SCAPER: variants seen among roughly 807,000 people sequenced by gnomAD.
SCAPER encodes the protein S phase cyclin A-associated protein in the endoplasmic reticulum.
In SCAPER, 98 loss-of-function variants were observed where a neutral mutation model predicts 182.2. The observed-to-expected ratio is 0.54, with a 90% CI of 0.46 to 0.64. The LOEUF (loss-of-function observed/expected upper bound fraction) is 0.64. Among genes scored for constraint, SCAPER ranks in the 30% least tolerant of loss-of-function variants. The pLI is 0.00. For synonymous variants in SCAPER, 605 were observed against 564.6 expected, an observed-to-expected ratio of 1.07 and a Z score of -1.01; for missense variants, 1,432 against 1,690.0, an observed-to-expected ratio of 0.85 and a Z score of 2.68.
chr15:76,531,554 A>G (rs1421102264), intron 23 of SCAPER, among the ~76,000 whole-genome samples: 3 of 152,086 alleles, frequency 2.0e-5, no homozygotes, highest in Admixed American at 2.0e-4. Context: ...CTTATTTGCT[A>G]TGGGAGTGTG....
At chr15:76,453,005 A>C (rs2048480465) in intron 25 of SCAPER, among the ~76,000 whole-genome samples, 1 of 152,058 alleles carries the variant, frequency 6.6e-6, no homozygotes, top group African/African-American at 2.4e-5. Flanking sequence ...TAAATTTTTA[A>C]AAAATGTTTG....
chr15:76,528,311 T>C (rs1408251318), intron 23 of SCAPER, among the ~76,000 whole-genome samples: 1 of 152,114 alleles, frequency 6.6e-6, no homozygotes, highest in Non-Finnish European at 1.5e-5. Flanking sequence ...ACTGTTTCCT[T>C]TACTATATCT....
intron 25 of SCAPER, among the ~76,000 whole-genome samples, chr15:76,447,377 T>C (rs559211998): frequency 1.3e-5 from 2 of 152,174 alleles, no homozygotes; most frequent in Admixed American, 1.3e-4. Flanking sequence ...GAAAGGGTCA[T>C]GGGGAACTCT....
intron 26 of SCAPER, among the ~76,000 whole-genome samples, chr15:76,419,002 C>G (rs1001156390): frequency 2.0e-5 from 3 of 152,246 alleles, no homozygotes; most frequent in Admixed American, 1.3e-4. Flanking sequence ...GTGTCTCAGA[C>G]CTCTGCACGA....
intron 21 of SCAPER, among the ~76,000 whole-genome samples, chr15:76,658,620 A>G (rs912734135): frequency 6.6e-6 from 1 of 152,220 alleles, no homozygotes; most frequent in Admixed American, 6.5e-5. Flanking sequence ...CCTACGTAAA[A>G]GAACAAAGCT....
intron 24 of SCAPER, among the ~76,000 whole-genome samples, chr15:76,480,966 T>A (rs1047309167): frequency 6.6e-6 from 1 of 152,046 alleles, no homozygotes; most frequent in African/African-American, 2.4e-5. Flanking sequence ...CTCCTGACCT[T>A]GTGATCCGCC....
chr15:76,580,712 A>G (rs150467249), intron 22 of SCAPER, among the ~76,000 whole-genome samples: 8 of 152,284 alleles, frequency 5.3e-5, no homozygotes, highest in Non-Finnish European at 1.2e-4. Flanking sequence ...TCAAAGAAGT[A>G]GAAAAACTTC....
intron 29 of SCAPER, among the ~76,000 whole-genome samples, chr15:76,359,728 G>A (rs895663379): frequency 5.9e-5 from 9 of 152,204 alleles, no homozygotes; most frequent in Non-Finnish European, 1.2e-4. Flanking sequence ...AGACATGGCA[G>A]CAACTATCAC....
chr15:76,716,006 C>G (rs1167443583), intron 17 of SCAPER, among the ~76,000 whole-genome samples: 1 of 152,132 alleles, frequency 6.6e-6, no homozygotes, highest in Non-Finnish European at 1.5e-5. Flanking sequence ...GCCCTAAAAC[C>G]CAGTGCTGCT....
At chr15:76,564,452 A>C (rs2046876242) in intron 23 of SCAPER, among the ~76,000 whole-genome samples, 1 of 152,196 alleles carries the variant, frequency 6.6e-6, no homozygotes, top group South Asian at 2.1e-4. Flanking sequence ...AATACAGTCA[A>C]CTAGGGAGGT....
At position 76,491,501 on chromosome 15, in the gene SCAPER, A is replaced by G. The variant is rs192003056; in HGVS notation, c.2954+13358T>C. Among the ~76,000 whole-genome samples the G allele has an allele frequency of 9.8e-5, 15 of 152,326 alleles. No individual in the cohort carries two copies. The East Asian group carries it at 2.9e-3, about 29-fold the overall frequency. On this transcript the variant is annotated intron_variant, in intron 24 of 31. Coordinates refer to ENST00000563290, the MANE Select transcript of SCAPER (RefSeq NM_020843.4). ...GGGATTGCTGGATCATACACTAAGT[A>G]TATGTTTATCTTTTTGAGATAGTTA...
chr15:76,613,859 A>T (rs1357239089), intron 22 of SCAPER, among the ~76,000 whole-genome samples: 1 of 152,220 alleles, frequency 6.6e-6, no homozygotes, highest in Non-Finnish European at 1.5e-5. Flanking sequence ...GTGATTCCTC[A>T]AAGGGCCTAA....
chr15:76,765,206 A>T, intron 13 of SCAPER, 131 bp downstream of exon 13: 1 of 1,012,070 alleles, frequency 9.9e-7, no homozygotes, highest in Non-Finnish European at 1.4e-6. Flanking sequence ...AAGCTTTGTT[A>T]CTTTTCAATG....
intron 20 of SCAPER, among the ~76,000 whole-genome samples, chr15:76,669,182 C>A (rs2056835672): frequency 6.6e-6 from 1 of 151,172 alleles, no homozygotes; most frequent in Non-Finnish European, 1.5e-5. Flanking sequence ...TGCTCACTTT[C>A]CAAATTATGA....
intron 21 of SCAPER, among the ~76,000 whole-genome samples, chr15:76,662,059 T>A (rs1038312098): frequency 2.0e-5 from 3 of 152,166 alleles, no homozygotes; most frequent in Non-Finnish European, 4.4e-5. Flanking sequence ...GAAGCCATCA[T>A]CCTCAGCGAA....
At chr15:76,729,802 C>T (rs2060812444) in intron 16 of SCAPER, among the ~76,000 whole-genome samples, 1 of 152,162 alleles carries the variant, frequency 6.6e-6, no homozygotes, top group African/African-American at 2.4e-5. Context: ...TCATCATCAT[C>T]ATCAAGCCAG....
intron 5 of SCAPER, among the ~76,000 whole-genome samples, chr15:76,817,953 G>C (rs572560495): frequency 6.6e-5 from 10 of 152,294 alleles, no homozygotes; most frequent in African/African-American, 2.4e-4. Flanking sequence ...AAGTTAAGCT[G>C]ATTCTAAAGT....
At position 76,748,270 on chromosome 15, in the gene SCAPER, G is replaced by A. The variant is rs181878150; in HGVS notation, c.1866+5538C>T. On this transcript the variant is annotated intron_variant, in intron 15 of 31. Transcript: ENST00000563290. ...CTCCCAAAGTGCTGGGATTACAGGC[G>A]TGAGCCACCGCGCCTGGCCGAAATA... 3.1e-3 allele frequency among the ~76,000 whole-genome samples: 477 copies of A among 152,182 alleles called. 5 individuals are homozygous for A. The highest frequency in any genetic ancestry group is 0.014 in the East Asian group (71 of 5,172).
chr15:76,534,490 C>T (rs1490597208), intron 23 of SCAPER, among the ~76,000 whole-genome samples: 3 of 152,148 alleles, frequency 2.0e-5, no homozygotes, highest in Non-Finnish European at 4.4e-5. Flanking sequence ...AAAAGGGTAA[C>T]ATTTTCTCTC....
Sources: gnomAD v4.1 joint callset for allele counts (sites outside exome capture counted in the v4.1 genomes callset) on GRCh38, gnomAD v4.1.1 for gene constraint, MANE v1.5 for transcripts, NCBI Gene and HGNC (gene_info 2026-07-23, HGNC 2026-07-21) for gene names.